The following ZNF367 variants were observed in gnomAD, a reference collection of about 807,000 sequenced individuals.
ZNF367 encodes the protein zinc finger protein 367.
ZNF367 carries 11 observed loss-of-function variants against 31.8 expected under a neutral mutation model. That is an observed-to-expected ratio of 0.35 (90% CI 0.22 to 0.57). ZNF367 has a LOEUF of 0.57. Ranked by LOEUF, ZNF367 falls within the 20% of genes least tolerant of loss-of-function variation. The pLI, the probability that ZNF367 is intolerant of heterozygous loss-of-function variation, is 0.85. For missense variants in ZNF367, 353 were observed against 484.1 expected, an observed-to-expected ratio of 0.73 and a Z score of 2.54; for synonymous variants, 199 against 202.4, an observed-to-expected ratio of 0.98 and a Z score of 0.14.
chr9:96,405,600 CAT>C (rs1587746807), intron 1 of ZNF367, among the ~76,000 whole-genome samples: 2 of 151,746 alleles, frequency 1.3e-5, no homozygotes, highest in East Asian at 3.9e-4. Flanking sequence ...AATATGTATA[CAT>C]ATATAATGAA....
At chr9:96,397,490 G>C (rs1300600612) in intron 2 of ZNF367, among the ~76,000 whole-genome samples, 1 of 152,098 alleles carries the variant, frequency 6.6e-6, no homozygotes, top group Non-Finnish European at 1.5e-5. Flanking sequence ...TTAAAAACTT[G>C]ACAATTAATG....
At position 96,418,007 on chromosome 9, in the gene ZNF367, A is replaced by C. The variant is rs1393993696; in HGVS notation, c.26T>G (p.Met9Arg). The C allele has an allele frequency of 3.6e-6, 5 of 1,398,322 alleles. No homozygotes were observed. Among genetic ancestry groups the C allele is most frequent in the South Asian group, 3.1e-5 (2 of 63,916 alleles). The allele number at this position is 1,398,322 out of a possible 1,614,324, so 86.6% of individuals were successfully genotyped here. ...CGGCGGCGGCGGCGGGTTCTCCGCCATGGGCGCCTCGAAGCCCCGGATCAT... is the reference window on the plus strand; with the variant it reads ...CGGCGGCGGCGGCGGGTTCTCCGCCCTGGGCGCCTCGAAGCCCCGGATCAT... MIRGFEAP[M>R]AENPPPPPPP... The change falls in exon 1 of 5, where the codon ATG becomes AGG. Residue 9 changes from methionine (M) to arginine (R), a missense_variant. Around this residue, in one of 5 missense-constraint regions of ZNF367, gnomAD observed 94 missense variants for 86.7 expected, o/e 1.08. Transcript: ENST00000375256.
chr9:96,407,272 G>A, intron 1 of ZNF367: 4 of 1,450,758 alleles, frequency 2.8e-6, no homozygotes, highest in Non-Finnish European at 3.9e-6. Flanking sequence ...TGGCGGCTCT[G>A]CGGCCGTCAC....
chr9:96,395,383 C>T (rs1831519293), intron 2 of ZNF367, among the ~76,000 whole-genome samples: 1 of 152,126 alleles, frequency 6.6e-6, no homozygotes, highest in Non-Finnish European at 1.5e-5. Flanking sequence ...TAGAAATCTG[C>T]TTTTGTCATA....
chr9:96,408,940 G>A (rs1019466962), intron 1 of ZNF367, among the ~76,000 whole-genome samples: 1 of 152,204 alleles, frequency 6.6e-6, no homozygotes, highest in Non-Finnish European at 1.5e-5. Flanking sequence ...CAAATCTCAT[G>A]TTGAAATTTG....
In ZNF367 at chr9:96,418,054, C is replaced by T. The variant is rs1272367292; in HGVS notation, c.-22G>A. ...TCATCGCCCGGCCCGACCCCCAGCT[C>T]CGGCGGCCCCGGGCCGCACTCCTGA... is the stretch of plus-strand genomic sequence containing the variant. On this transcript the variant is annotated 5_prime_UTR_variant, in exon 1 of 5. Transcript: ENST00000375256. The T allele has an allele frequency of 1.5e-6, 2 of 1,354,292 alleles. No individual in the cohort carries two copies. The highest frequency in any genetic ancestry group is 1.5e-5 in the African/African-American group (1 of 65,066). The allele number at this position is 1,354,292 out of a possible 1,614,324, so 83.9% of individuals were successfully genotyped here.
At chr9:96,399,740 C>A (rs1212627829) in intron 1 of ZNF367, among the ~76,000 whole-genome samples, 1 of 152,126 alleles carries the variant, frequency 6.6e-6, no homozygotes, top group African/African-American at 2.4e-5. Flanking sequence ...ATTGCTTGAA[C>A]CCGAGAGGTG....
intron 1 of ZNF367, among the ~76,000 whole-genome samples, chr9:96,414,984 T>G (rs920052619): frequency 3.9e-5 from 6 of 152,166 alleles, no homozygotes; most frequent in African/African-American, 1.2e-4. Flanking sequence ...ATAATCTAAT[T>G]TAGTGTTTTT....
chr9:96,392,385 C>A lies in ZNF367; in HGVS notation c.830+13G>T. 1 of 1,614,178 alleles carries A rather than the reference C, an allele frequency of 6.2e-7. No individual in the cohort carries two copies. Among genetic ancestry groups the A allele is most frequent in the East Asian group, 2.2e-5 (1 of 44,886 alleles). ...GTGCATCTTCACGGTGGACTAAAGG[C>A]AGCATTCCTGACCTCGCCAGCCACT... On this transcript the variant is annotated intron_variant, in intron 4 of 4. Transcript: ENST00000375256.
chr9:96,402,619 ATTTTTTTT>A (rs61651699), intron 1 of ZNF367, among the ~76,000 whole-genome samples: 87 of 70,204 alleles, frequency 1.2e-3, no homozygotes, highest in Non-Finnish European at 1.8e-3. Flanking sequence ...CGCCTGGCTA[ATTTTTTTT>A]TTTTTTTTTT....
rs550744569 is a variant in ZNF367, at chr9:96,399,629, C to T, written c.421-1315G>A. 2.6e-5 allele frequency among the ~76,000 whole-genome samples: 4 copies of T among 152,252 alleles called. No individual in the cohort carries two copies. In the South Asian group the frequency reaches 8.3e-4, roughly 32 times the overall value. Reference sequence around the variant, plus strand: ...GGTCAGGAGTTCAAGACCAGCCTGGCCAACATGGCGAAACCCCATCTCTAC... The same window carrying T: ...GGTCAGGAGTTCAAGACCAGCCTGGTCAACATGGCGAAACCCCATCTCTAC... On this transcript the variant is annotated intron_variant, in intron 1 of 4. Coordinates refer to ENST00000375256, the MANE Select transcript of ZNF367 (RefSeq NM_153695.4).
intron 1 of ZNF367, among the ~76,000 whole-genome samples, chr9:96,406,349 C>T (rs898608876): frequency 9.9e-5 from 15 of 152,184 alleles, no homozygotes; most frequent in African/African-American, 2.9e-4. Flanking sequence ...AAATTCCCTT[C>T]AATCAAATTT....
intron 1 of ZNF367, among the ~76,000 whole-genome samples, chr9:96,416,072 GTTTTTTTTTTTGTTGTTTTTTT>G (rs1831824663): frequency 2.1e-5 from 3 of 139,538 alleles, no homozygotes; most frequent in African/African-American, 5.3e-5. Flanking sequence ...CTCTGTTATG[GTTTTTTTTTTTGTTGTTTTTTT>G]TTTTTTTTTT....
chr9:96,390,638 G>C (rs7024960), intron 4 of ZNF367, among the ~76,000 whole-genome samples: 7,005 of 152,090 alleles, frequency 0.046, 199 homozygotes, highest in African/African-American at 0.078. Flanking sequence ...AATCCCAACA[G>C]TTTGGGAGGC....
chr9:96,398,103 A>G, intron 2 of ZNF367, 61 bp downstream of exon 2: 1 of 825,708 alleles, frequency 1.2e-6, no homozygotes. Flanking sequence ...AAAAAAAAAA[A>G]AAAAAAAAAA....
intron 2 of ZNF367, among the ~76,000 whole-genome samples, chr9:96,395,974 T>C (rs1321652190): frequency 6.6e-6 from 1 of 152,256 alleles, no homozygotes. Flanking sequence ...AATTTCTCAT[T>C]ATTTAGAGAC....
rs1053382990 is a variant in ZNF367, at chr9:96,386,966, G to A, written c.*1271C>T. 1 of 152,154 alleles carries A rather than the reference G, an allele frequency of 6.6e-6. No individual in the cohort carries two copies. The highest frequency in any genetic ancestry group is 1.5e-5 in the Non-Finnish European group (1 of 68,016). 9.4% of individuals were successfully genotyped at this position (152,154 alleles called of 1,614,324 possible). ...TATGCATGTCATTTAGTTCTGTTTA[G>A]AACAAAAGCCAAAATGATGGAAGTT... On this transcript the variant is annotated 3_prime_UTR_variant, in exon 5 of 5. Transcript: ENST00000375256.
chr9:96,394,599 A>G (rs1831508113), intron 3 of ZNF367, among the ~76,000 whole-genome samples: 1 of 152,242 alleles, frequency 6.6e-6, no homozygotes, highest in South Asian at 2.1e-4. Context: ...CCCTGTAAAT[A>G]TGTATACGTA....
At chr9:96,407,466 GAA>G (rs747889952) in intron 1 of ZNF367, 4 of 1,340,098 alleles carry the variant, frequency 3.0e-6, no homozygotes, top group East Asian at 2.3e-5. Context: ...AAATATAAAT[GAA>G]AAAAAGACTA....
Sources: allele counts gnomAD v4.1 joint callset (sites outside exome capture counted in the v4.1 genomes callset), GRCh38; gene constraint gnomAD v4.1.1; regional missense constraint gnomAD v4.1.1; transcripts MANE v1.5; gene names NCBI Gene and HGNC (gene_info 2026-07-23, HGNC 2026-07-21).